The following SNAP47 variants were observed in gnomAD, a reference collection of about 807,000 sequenced individuals.
SNAP47 encodes synaptosomal-associated protein 47.
A neutral mutation model predicts 31.4 loss-of-function variants in SNAP47; 20 were observed. The ratio of observed to expected loss-of-function variants is 0.64; its 90% confidence interval spans 0.45 to 0.93. The LOEUF is 0.93. SNAP47 is among the 40% of genes least tolerant of loss of function. SNAP47 has a pLI of 0.00. For synonymous variants in SNAP47, 194 were observed against 213.4 expected, an observed-to-expected ratio of 0.91 and a Z score of 0.79; for missense variants, 492 against 528.5, an observed-to-expected ratio of 0.93 and a Z score of 0.68.
upstream of SNAP47, chr1:227,735,188 C>G (rs1457329971): frequency 1.2e-5 from 19 of 1,580,850 alleles, no homozygotes; most frequent in Non-Finnish European, 1.6e-5. Flanking sequence ...GAAGGCTACC[C>G]GGCCCGGAGC....
intron 2 of SNAP47, among the ~76,000 whole-genome samples, chr1:227,752,199 C>A (rs374660574): frequency 6.6e-6 from 1 of 152,328 alleles, no homozygotes; most frequent in South Asian, 2.1e-4. Context: ...CACAGTCATA[C>A]GCACGAACAC....
chr1:227,775,668 C>T, intron 4 of SNAP47: 1 of 1,016,162 alleles, frequency 9.8e-7, no homozygotes, highest in South Asian at 1.5e-5. Flanking sequence ...CATGGACACA[C>T]AGCTGCTTTG....
chr1:227,742,136 C>T (rs1358284205), intron 1 of SNAP47, among the ~76,000 whole-genome samples: 3 of 151,894 alleles, frequency 2.0e-5, no homozygotes, highest in African/African-American at 4.8e-5. Flanking sequence ...CCCACTAACT[C>T]GTCATTTAGC....
Position 227,759,190 on chromosome 1 carries a change from C to T in SNAP47, c.693C>T (p.Thr231=), listed in dbSNP as rs528780985. 1.1e-4 allele frequency: 179 copies of T among 1,614,064 alleles called. No individual in the cohort carries two copies. The highest frequency in any genetic ancestry group is 1.3e-4 in the Non-Finnish European group (158 of 1,180,052). ...TESHVKPGRL[T]VLVSGLEIHD... is the part of the protein sequence containing the mutation. ...CTCACGTTAAACCAGGGAGGCTCAC[C>T]GTCCTTGTGTCTGGGTTGGAAATAC... The change falls in exon 3 of 5, where the codon ACC becomes ACT. Residue 231 remains threonine, a synonymous_variant. Coordinates refer to ENST00000617596, the MANE Select transcript of SNAP47 (RefSeq NM_053052.4).
At chr1:227,758,862 G>C in intron 2 of SNAP47, 133 bp from the exon 3 acceptor site, 1 of 1,091,258 alleles carries the variant, frequency 9.2e-7, no homozygotes, top group South Asian at 1.8e-5. Context: ...CTGCTTCATG[G>C]AGTGCTTGTG....
rs1298961366 is a variant in SNAP47 at position 227,763,754 on chromosome 1, T to C, written c.989-3205T>C. Reference sequence around the variant, plus strand: ...CCCTACGCTGTCCTTACCTGTGCGCTAGCTTCACAGGCCCACTAGGCCCAG... The same window carrying C: ...CCCTACGCTGTCCTTACCTGTGCGCCAGCTTCACAGGCCCACTAGGCCCAG... On this transcript the variant is annotated intron_variant, in intron 3 of 4. Transcript: ENST00000617596. The surrounding 1 kb of genome is among the most constrained non-coding windows in gnomAD (Gnocchi z 4.2). Among the ~76,000 whole-genome samples the C allele has an allele frequency of 6.6e-6, 1 of 152,208 alleles. No homozygotes were observed. The highest frequency in any genetic ancestry group is 1.5e-5 in the Non-Finnish European group (1 of 68,034).
At chr1:227,734,578 T>C (rs1660932861), upstream of SNAP47, 2 of 1,484,492 alleles carry the variant, frequency 1.3e-6, no homozygotes, top group Non-Finnish European at 1.9e-6. Flanking sequence ...AGGGGCCACC[T>C]TCATCAGAAA....
chr1:227,731,084 C>G (rs1038794825), upstream of SNAP47: 1 of 152,446 alleles, frequency 6.6e-6, no homozygotes, highest in African/African-American at 2.4e-5. Flanking sequence ...GTTTGGGCAG[C>G]GCCAGCTCCA....
At chr1:227,766,881 A>G in intron 3 of SNAP47, 78 bp from the exon 4 acceptor site, 1 of 1,575,722 alleles carries the variant, frequency 6.3e-7, no homozygotes, top group Non-Finnish European at 8.7e-7. Context: ...CTCAAAGACC[A>G]CGCTCTGCCA....
rs199601851 is a variant in SNAP47, at chr1:227,753,927, T to C, written c.498-5068T>C. Among the ~76,000 whole-genome samples the C allele has an allele frequency of 2.0e-5, 3 of 152,262 alleles. No individual in the cohort carries two copies. The East Asian group carries it at 5.8e-4, about 29-fold the overall frequency. On this transcript the variant is annotated intron_variant, in intron 2 of 4. Transcript: ENST00000617596. ...CCAGTGGGTGTGTGCTACCATGTGC[T>C]CTTTTAGTTTAGCCATCTGTAGGTG...
intron 4 of SNAP47, among the ~76,000 whole-genome samples, chr1:227,771,752 G>A (rs1663826594): frequency 6.7e-6 from 1 of 150,242 alleles, no homozygotes; most frequent in Non-Finnish European, 1.5e-5. Context: ...TGACTGCAGA[G>A]GACCCAGGAC....
chr1:227,739,954 A>G (rs570198839), intron 1 of SNAP47, among the ~76,000 whole-genome samples: 3 of 152,326 alleles, frequency 2.0e-5, no homozygotes, highest in Admixed American at 6.5e-5. Flanking sequence ...TTGCAGAACT[A>G]TGTGGTACAG....
intron 1 of SNAP47, 30 bp downstream of exon 1, chr1:227,735,529 C>T: frequency 7.3e-7 from 1 of 1,366,662 alleles, no homozygotes; most frequent in South Asian, 1.8e-5. Context: ...TGTTGGGCGC[C>T]CGGCCCAAGC....
intron 1 of SNAP47, chr1:227,736,101 G>T: frequency 6.5e-6 from 1 of 153,146 alleles, no homozygotes. Context: ...GCACCTGGAG[G>T]GGACATGGGA....
intron 2 of SNAP47, among the ~76,000 whole-genome samples, chr1:227,749,860 C>T (rs1052801304): frequency 1.4e-5 from 2 of 147,764 alleles, no homozygotes; most frequent in African/African-American, 5.0e-5. Context: ...GTACACATAG[C>T]TCAGGTTTTT....
chr1:227,758,067 C>T (rs1009380240), intron 2 of SNAP47, among the ~76,000 whole-genome samples: 1 of 152,190 alleles, frequency 6.6e-6, no homozygotes, highest in Non-Finnish European at 1.5e-5. Flanking sequence ...CAAGGGAAGC[C>T]CTTAGCTCCT....
In SNAP47 at chr1:227,758,073, C is replaced by T. The variant is rs755267666; in HGVS notation, c.498-922C>T. ...GATCTGCCCCAAGGGAAGCCCTTAG[C>T]TCCTGTAGCTGCAGGACAGAGCTTT... On this transcript the variant is annotated intron_variant, in intron 2 of 4. Transcript: ENST00000617596. 2.3e-4 allele frequency among the ~76,000 whole-genome samples: 35 copies of T among 152,206 alleles called. 1 individual carries two copies. The highest frequency in any genetic ancestry group is 5.9e-4 in the Admixed American group (9 of 15,286).
At chr1:227,735,404 G>A (rs955206530), upstream of SNAP47, 24 of 1,563,352 alleles carry the variant, frequency 1.5e-5, no homozygotes, top group Non-Finnish European at 2.1e-5. Context: ...CTCCGGGCCT[G>A]CACGCATGCG....
chr1:227,764,282 A>G (rs1410241016), intron 3 of SNAP47, among the ~76,000 whole-genome samples: 3 of 152,220 alleles, frequency 2.0e-5, no homozygotes, highest in Non-Finnish European at 4.4e-5. Flanking sequence ...CAGCCTCACC[A>G]GGATCCCAGC....
Sources: gnomAD v4.1 joint callset for allele counts (sites outside exome capture counted in the v4.1 genomes callset) on GRCh38, gnomAD v4.1.1 for gene constraint, Gnocchi (gnomAD v3.1) non-coding constraint, MANE v1.5 for transcripts, NCBI Gene and HGNC (gene_info 2026-07-23, HGNC 2026-07-21) for gene names.